Variants in TCF7L2 observed in about 807,000 individuals in gnomAD.
The protein encoded by TCF7L2 is transcription factor 7 like 2, also known as transcription factor 7-like 2.
TCF7L2 carries 23 observed loss-of-function variants against 77.9 expected under a neutral mutation model. The ratio of observed to expected loss-of-function variants is 0.30; its 90% CI spans 0.21 to 0.42. The LOEUF is 0.42. TCF7L2 is among the 10% of genes least tolerant of loss of function. TCF7L2 has a pLI of 1.00. For missense variants in TCF7L2, 654 were observed against 793.1 expected (o/e 0.82, Z 2.11); for synonymous variants, 413 against 340.2 (o/e 1.21, Z -2.36).
intron 4 of TCF7L2, among the ~76,000 whole-genome samples, chr10:113,002,605 C>T (rs1485844926): frequency 1.3e-5 from 2 of 152,172 alleles, no homozygotes; most frequent in East Asian, 1.9e-4. Context: ...CCCCCATGAT[C>T]GCTGTGGGGG....
chr10:113,030,082 C>T (rs2049960597), intron 4 of TCF7L2, among the ~76,000 whole-genome samples: 1 of 152,180 alleles, frequency 6.6e-6, no homozygotes, highest in South Asian at 2.1e-4. Context: ...CTCTACCCGC[C>T]TTCCCCATAG....
At chr10:113,137,434 C>T (rs531644188) in intron 5 of TCF7L2, among the ~76,000 whole-genome samples, 3 of 152,290 alleles carry the variant, frequency 2.0e-5, no homozygotes, top group South Asian at 2.1e-4. Flanking sequence ...GAGGTAGACA[C>T]GATTCTCATC....
chr10:113,062,904 T>C (rs2056696612), intron 5 of TCF7L2, among the ~76,000 whole-genome samples: 1 of 152,164 alleles, frequency 6.6e-6, no homozygotes, highest in Non-Finnish European at 1.5e-5. Context: ...TCCTAAACAT[T>C]AACAGCCACA....
chr10:113,019,280 CAG>C (rs1464662482), intron 4 of TCF7L2, among the ~76,000 whole-genome samples: 1 of 152,164 alleles, frequency 6.6e-6, no homozygotes, highest in Non-Finnish European at 1.5e-5. Flanking sequence ...TGGGGTCAGT[CAG>C]GGGTTAACAG....
chr10:113,149,157 C>T (rs2070183478), intron 8 of TCF7L2, among the ~76,000 whole-genome samples: 1 of 152,224 alleles, frequency 6.6e-6, no homozygotes, highest in African/African-American at 2.4e-5. Context: ...ACTTCTGTTT[C>T]CTCTGAGGCC....
At chr10:113,137,662 T>G (rs2067627028) in intron 5 of TCF7L2, among the ~76,000 whole-genome samples, 1 of 152,276 alleles carries the variant, frequency 6.6e-6, no homozygotes, top group South Asian at 2.1e-4. Flanking sequence ...AGCTCTGTTC[T>G]GTGATTCTAA....
intron 4 of TCF7L2, among the ~76,000 whole-genome samples, chr10:112,992,549 G>A (rs2042754899): frequency 6.6e-6 from 1 of 152,140 alleles, no homozygotes. Context: ...GGAGCCGGAG[G>A]CTGCAGGGTG....
chr10:113,079,053 C>G (rs1004922810), intron 5 of TCF7L2, among the ~76,000 whole-genome samples: 1 of 151,800 alleles, frequency 6.6e-6, no homozygotes, highest in African/African-American at 2.4e-5. Context: ...AGGCTGGTCT[C>G]AAACTCCTGA....
intron 12 of TCF7L2, 55 bp downstream of exon 14, chr10:113,160,047 C>A: frequency 6.6e-7 from 1 of 1,513,540 alleles, no homozygotes; most frequent in South Asian, 1.1e-5. Flanking sequence ...CTATTCGATC[C>A]TCTCCCCCTT....
chr10:112,978,723 C>A (rs2039920510), intron 4 of TCF7L2, among the ~76,000 whole-genome samples: 1 of 151,228 alleles, frequency 6.6e-6, no homozygotes, highest in Non-Finnish European at 1.5e-5. Flanking sequence ...TTGTGATCCA[C>A]CTGTCTTGGC....
intron 4 of TCF7L2, among the ~76,000 whole-genome samples, chr10:113,017,425 C>G (rs1029647004): frequency 6.6e-6 from 1 of 152,250 alleles, no homozygotes. Flanking sequence ...ACTTCCTCCT[C>G]GGGTGGACTT....
intron 4 of TCF7L2, among the ~76,000 whole-genome samples, chr10:113,034,288 C>G (rs757608487): frequency 6.6e-6 from 1 of 152,170 alleles, no homozygotes; most frequent in Non-Finnish European, 1.5e-5. Flanking sequence ...GGCTTCTGAT[C>G]GTCTTTCCTT....
intron 4 of TCF7L2, among the ~76,000 whole-genome samples, chr10:112,986,433 T>C (rs138527372): frequency 6.6e-6 from 1 of 152,174 alleles, no homozygotes; most frequent in Admixed American, 6.5e-5. Flanking sequence ...TCAACTTGGA[T>C]TTCTCATGCT....
At chr10:112,981,014 CT>C (rs1054960324) in intron 4 of TCF7L2, among the ~76,000 whole-genome samples, 1 of 152,156 alleles carries the variant, frequency 6.6e-6, no homozygotes, top group Non-Finnish European at 1.5e-5. Context: ...TATAAAGACA[CT>C]TTTTTCTTGA....
chr10:113,124,503 AT>A (rs1313441021), intron 5 of TCF7L2, among the ~76,000 whole-genome samples: 1 of 152,174 alleles, frequency 6.6e-6, no homozygotes, highest in African/African-American at 2.4e-5. Context: ...AAGACAACTT[AT>A]ATGGAGCAAG....
At chr10:113,152,896 C>T (rs563974787) in intron 11 of TCF7L2, among the ~76,000 whole-genome samples, 73 of 152,270 alleles carry the variant, frequency 4.8e-4, no homozygotes, top group African/African-American at 1.5e-3. Context: ...GGCCCTTTAC[C>T]GTTAAGAAGG....
At chr10:113,131,048 G>A (rs942918110) in intron 5 of TCF7L2, among the ~76,000 whole-genome samples, 25 of 152,304 alleles carry the variant, frequency 1.6e-4, no homozygotes, top group African/African-American at 5.8e-4. Context: ...TTACAGGCGT[G>A]AGCCACCGTG....
chr10:112,985,568 C>T (rs1015983351), intron 4 of TCF7L2, among the ~76,000 whole-genome samples: 2 of 152,168 alleles, frequency 1.3e-5, no homozygotes, highest in African/African-American at 4.8e-5. Context: ...CTGAAGGCAC[C>T]ATAATTCCTT....
At chr10:113,108,002 T>C (rs2062620439) in intron 5 of TCF7L2, among the ~76,000 whole-genome samples, 1 of 152,138 alleles carries the variant, frequency 6.6e-6, no homozygotes, top group African/African-American at 2.4e-5. Context: ...ATTTTCCTAA[T>C]AAAGATTCCA....
Sources: allele counts gnomAD v4.1 joint callset (sites outside exome capture counted in the v4.1 genomes callset), GRCh38; gene constraint gnomAD v4.1.1; transcripts MANE v1.5; gene names NCBI Gene and HGNC (gene_info 2026-07-23, HGNC 2026-07-21).